The following SCN8A variants were observed in gnomAD, a reference collection of about 807,000 sequenced individuals.
The protein encoded by SCN8A is sodium voltage-gated channel alpha subunit 8.
SCN8A carries 30 observed loss-of-function variants against 184.1 expected under a neutral mutation model. The ratio of observed to expected loss-of-function variants is 0.16; its 90% CI spans 0.12 to 0.22. The LOEUF is 0.22. SCN8A is among the 10% of genes least tolerant of loss of function. SCN8A has a pLI of 1.00. For missense variants in SCN8A, 1,057 were observed against 2,498.9 expected (o/e 0.42, Z 12.30); for synonymous variants, 852 against 907.0 (o/e 0.94, Z 1.09).
chr12:51,780,565 C>CTTTCTTTCTT, intron 20 of SCN8A, 84 bp from the exon 21 acceptor site: 1 of 297,248 alleles, frequency 3.4e-6, no homozygotes, highest in African/African-American at 1.3e-4. Flanking sequence ...TGTTTTCTTT[C>CTTTCTTTCTT]TTTTTTTTTT....
At chr12:51,803,236 A>G (rs1938604949) in intron 26 of SCN8A, among the ~76,000 whole-genome samples, 1 of 152,156 alleles carries the variant, frequency 6.6e-6, no homozygotes, top group Non-Finnish European at 1.5e-5. Context: ...AAGCCAAAGA[A>G]CTTGGAGTCT....
chr12:51,619,227 G>A (rs1675246998), intron 1 of SCN8A, among the ~76,000 whole-genome samples: 1 of 152,096 alleles, frequency 6.6e-6, no homozygotes, highest in South Asian at 2.1e-4. Context: ...GTTCTTTTTA[G>A]CAGCTGTGCA....
At chr12:51,648,864 A>G (rs565492987) in intron 1 of SCN8A, among the ~76,000 whole-genome samples, 1 of 152,244 alleles carries the variant, frequency 6.6e-6, no homozygotes, top group African/African-American at 2.4e-5. Context: ...TGCCTTCCCA[A>G]CAGTCCCCCA....
chr12:51,748,196 T>C (rs897776630), intron 13 of SCN8A, among the ~76,000 whole-genome samples: 6 of 152,234 alleles, frequency 3.9e-5, no homozygotes, highest in Admixed American at 2.0e-4. Flanking sequence ...AAAGCCAGCA[T>C]TGAACGAATT....
At chr12:51,699,856 C>A in intron 7 of SCN8A, 65 bp downstream of exon 7, 2 of 1,410,978 alleles carry the variant, frequency 1.4e-6, no homozygotes, top group East Asian at 2.4e-5. Flanking sequence ...TGGTCAGAAG[C>A]TACCACAGGG....
chr12:51,787,977 A>T (rs1418606929), intron 22 of SCN8A, among the ~76,000 whole-genome samples: 1 of 152,270 alleles, frequency 6.6e-6, no homozygotes, highest in Non-Finnish European at 1.5e-5. Context: ...GCCATATGCA[A>T]GATGCTGTGC....
rs575486769 is a variant in SCN8A, at chr12:51,644,423, T to TTA, written c.-54-18334_-54-18333dup. ...AGGGTTGTTGGAAGCATCAAAAGAA[T>TTA]TATATATAAAGCTATTAGAACTGTG... On this transcript the variant is annotated intron_variant, in intron 1 of 26. Transcript: ENST00000627620. Among the ~76,000 whole-genome samples, 460 of 152,350 alleles carry TTA rather than the reference T, an allele frequency of 3.0e-3. 1 individual carries two copies. The highest frequency in any genetic ancestry group is 0.014 in the Middle Eastern group (4 of 294).
At chr12:51,720,075 CAAAAAAAAA>C (rs397944526) in intron 11 of SCN8A, among the ~76,000 whole-genome samples, 2 of 85,492 alleles carry the variant, frequency 2.3e-5, no homozygotes, top group African/African-American at 5.1e-5. Context: ...GACTCCGTCT[CAAAAAAAAA>C]AAAAAAAAAA....
At chr12:51,688,802 G>T (rs766308247) in intron 5 of SCN8A, 1 of 1,613,900 alleles carries the variant, frequency 6.2e-7, no homozygotes, top group Admixed American at 1.7e-5. Flanking sequence ...TCAGCTCTAC[G>T]CACTTTCAGG....
intron 2 of SCN8A, among the ~76,000 whole-genome samples, chr12:51,667,236 T>C (rs1015455759): frequency 6.6e-6 from 1 of 152,214 alleles, no homozygotes; most frequent in Non-Finnish European, 1.5e-5. Flanking sequence ...AGAGTTTCTT[T>C]ATGTGTATGC....
Position 51,765,779 on chromosome 12 carries a change from A to G in SCN8A, c.2653A>G (p.Ile885Val). ...CAACCTGACACTGGTGCTGGCCATT[A>G]TTGTCTTCATCTTTGCCGTGGTGGG... ...LGNLTLVLAI[I>V]VFIFAVVGMQ... Residue 885 changes from isoleucine (I) to valine (V), a missense_variant, in exon 16 of 27, where the codon ATT (isoleucine) becomes GTT (valine). Coordinates refer to ENST00000627620, the MANE Select transcript of SCN8A (RefSeq NM_001330260.2). 6.2e-7 allele frequency: 1 copy of G among 1,613,798 alleles called. No homozygotes were observed. The highest frequency in any genetic ancestry group is 8.5e-7 in the Non-Finnish European group (1 of 1,179,908).
chr12:51,731,213 T>C (rs1489564729), intron 12 of SCN8A, among the ~76,000 whole-genome samples: 1 of 152,102 alleles, frequency 6.6e-6, no homozygotes, highest in Non-Finnish European at 1.5e-5. Context: ...GTTATCTCTT[T>C]GATATACTGA....
At chr12:51,634,649 TATTATTA>T (rs1940273383) in intron 1 of SCN8A, among the ~76,000 whole-genome samples, 1 of 54,848 alleles carries the variant, frequency 1.8e-5, no homozygotes, top group African/African-American at 6.5e-5. Flanking sequence ...TTATTATTAT[TATTATTA>T]TTTTTTTTTT....
At chr12:51,642,442 A>G (rs896565439) in intron 1 of SCN8A, among the ~76,000 whole-genome samples, 3 of 152,174 alleles carry the variant, frequency 2.0e-5, no homozygotes, top group African/African-American at 7.2e-5. Flanking sequence ...AGGTTGCATT[A>G]ATTTGTAGCC....
chr12:51,699,050 A>G (rs895187542), intron 6 of SCN8A, among the ~76,000 whole-genome samples: 4 of 152,268 alleles, frequency 2.6e-5, no homozygotes, highest in African/African-American at 9.6e-5. Context: ...AACCATGACA[A>G]ATGCTACAGA....
At chr12:51,730,978 G>T (rs532894170) in intron 12 of SCN8A, among the ~76,000 whole-genome samples, 20 of 152,084 alleles carry the variant, frequency 1.3e-4, no homozygotes, top group African/African-American at 4.6e-4. Flanking sequence ...GTCTTCCTGT[G>T]CCTGGCTTAT....
At chr12:51,788,308 T>A (rs1465763392) in intron 22 of SCN8A, among the ~76,000 whole-genome samples, 2 of 90,636 alleles carry the variant, frequency 2.2e-5, no homozygotes, top group Non-Finnish European at 5.1e-5. Context: ...TTTTTTTTTT[T>A]GCTTACCACC....
At chr12:51,743,659 G>A (rs373117159) in intron 12 of SCN8A, among the ~76,000 whole-genome samples, 5 of 152,284 alleles carry the variant, frequency 3.3e-5, no homozygotes, top group Non-Finnish European at 7.3e-5. Context: ...CCCAAGGCCC[G>A]CTGTAACCAC....
intron 1 of SCN8A, among the ~76,000 whole-genome samples, chr12:51,613,420 C>T (rs1487055878): frequency 6.6e-6 from 1 of 152,108 alleles, no homozygotes; most frequent in East Asian, 1.9e-4. Flanking sequence ...TTTCCTTATT[C>T]TTTTAACATC....
Sources: gnomAD v4.1 joint callset for allele counts (sites outside exome capture counted in the v4.1 genomes callset) on GRCh38, gnomAD v4.1.1 for gene constraint, MANE v1.5 for transcripts, NCBI Gene and HGNC (gene_info 2026-07-23, HGNC 2026-07-21) for gene names.